Variants in GRM5 observed in about 807,000 individuals in gnomAD.
GRM5 encodes the protein metabotropic glutamate receptor 5.
GRM5 carries 19 observed loss-of-function variants against 83.1 expected under a neutral mutation model. The observed-to-expected ratio is 0.23, with a 90% CI of 0.16 to 0.34. GRM5 has a LOEUF of 0.34. GRM5 is among the 10% of genes least tolerant of loss of function. GRM5 has a pLI of 1.00. For missense variants in GRM5, 1,160 were observed against 1,588.3 expected, an observed-to-expected ratio of 0.73 and a Z score of 4.58; for synonymous variants, 675 against 633.6, an observed-to-expected ratio of 1.07 and a Z score of -0.98.
At chr11:89,061,214 G>A (rs567194045) in intron 1 of GRM5, among the ~76,000 whole-genome samples, 4 of 152,122 alleles carry the variant, frequency 2.6e-5, no homozygotes, top group Non-Finnish European at 4.4e-5. Context: ...CAATAAGAAT[G>A]TGTAAGATAA....
chr11:88,639,394 C>A (rs1246330982), intron 4 of GRM5, among the ~76,000 whole-genome samples: 8 of 152,070 alleles, frequency 5.3e-5, no homozygotes, highest in Non-Finnish European at 1.2e-4. Context: ...TCTTTTATTT[C>A]TTGTCTCTTG....
intron 2 of GRM5, among the ~76,000 whole-genome samples, chr11:88,855,907 C>A (rs11021631): frequency 0.11 from 16,442 of 151,514 alleles, 1,434 homozygotes; most frequent in African/African-American, 0.22. Flanking sequence ...AAAAGTAGTA[C>A]AGAAAAATAG....
intron 4 of GRM5, among the ~76,000 whole-genome samples, chr11:88,650,290 A>G (rs7938127): frequency 0.021 from 3,157 of 152,082 alleles, 89 homozygotes; most frequent in East Asian, 0.12. Context: ...TGTTTTGTCA[A>G]TTTTACAATT....
intron 2 of GRM5, among the ~76,000 whole-genome samples, chr11:88,870,790 G>A (rs897608272): frequency 1.3e-5 from 2 of 151,488 alleles, no homozygotes; most frequent in Admixed American, 6.6e-5. Flanking sequence ...ATGGGTGTAC[G>A]TGTAAAAATG....
chr11:88,903,401 T>A (rs1945349239), intron 2 of GRM5, among the ~76,000 whole-genome samples: 1 of 152,192 alleles, frequency 6.6e-6, no homozygotes, highest in Admixed American at 6.5e-5. Flanking sequence ...ACTGGCTATC[T>A]GCCCAAGGGA....
chr11:88,721,117 A>AAAT (rs376010771), intron 3 of GRM5, among the ~76,000 whole-genome samples: 6 of 152,136 alleles, frequency 3.9e-5, no homozygotes, highest in Middle Eastern at 3.4e-3. Flanking sequence ...CACAACCTTA[A>AAAT]AATAGGATTC....
intron 3 of GRM5, among the ~76,000 whole-genome samples, chr11:88,847,291 T>C (rs185521084): frequency 7.2e-4 from 109 of 152,282 alleles, no homozygotes; most frequent in Middle Eastern, 3.4e-3. Flanking sequence ...ATAAGGGCAA[T>C]AATTATTGTT....
chr11:88,937,455 C>G (rs1184167145), intron 2 of GRM5, among the ~76,000 whole-genome samples: 1 of 151,646 alleles, frequency 6.6e-6, no homozygotes, highest in African/African-American at 2.4e-5. Context: ...AGCCTTCATC[C>G]TTTCTGCTAA....
intron 1 of GRM5, among the ~76,000 whole-genome samples, chr11:89,049,936 A>G (rs924269141): frequency 5.3e-5 from 8 of 152,198 alleles, no homozygotes; most frequent in Admixed American, 3.3e-4. Flanking sequence ...GACAAAAAGA[A>G]ATATCTAAAG....
chr11:88,967,402 T>G (rs1325396614), intron 2 of GRM5, among the ~76,000 whole-genome samples: 4 of 136,614 alleles, frequency 2.9e-5, no homozygotes, highest in Non-Finnish European at 4.7e-5. Flanking sequence ...ACGGATAAAT[T>G]ATAATGAACA....
At chr11:88,628,625 G>C (rs1452907543) in intron 4 of GRM5, among the ~76,000 whole-genome samples, 2 of 152,166 alleles carry the variant, frequency 1.3e-5, no homozygotes, top group African/African-American at 4.8e-5. Flanking sequence ...AACTCTTGTA[G>C]TCACTTTGGT....
In GRM5 at chr11:88,515,391, T is replaced by G. The variant is rs1388557; in HGVS notation, c.2727-5887A>C. Among the ~76,000 whole-genome samples, 14 of 152,316 alleles carry G rather than the reference T, an allele frequency of 9.2e-5. 1 individual carries two copies. The East Asian group carries it at 2.7e-3, about 29-fold the overall frequency. On this transcript the variant is annotated intron_variant, in intron 9 of 9. Coordinates refer to ENST00000305447, the MANE Select transcript of GRM5 (RefSeq NM_001143831.3). ...GTACAAGGAATGAGCTCTGGTGTTC[T>G]GCAGCATTGTAGGGTGAATATAGTT...
At chr11:88,899,711 T>C (rs1354774368) in intron 2 of GRM5, among the ~76,000 whole-genome samples, 2 of 152,040 alleles carry the variant, frequency 1.3e-5, no homozygotes, top group Non-Finnish European at 2.9e-5. Context: ...GAAGTGGGAA[T>C]AAGCCCACAC....
intron 2 of GRM5, among the ~76,000 whole-genome samples, chr11:88,981,032 A>T (rs1442716793): frequency 5.3e-5 from 8 of 151,950 alleles, no homozygotes; most frequent in South Asian, 2.1e-4. Flanking sequence ...TGAGTTTTTT[A>T]AAAAAATCTA....
intron 8 of GRM5, among the ~76,000 whole-genome samples, chr11:88,558,717 C>T (rs534172269): frequency 7.2e-6 from 1 of 139,762 alleles, no homozygotes; most frequent in Admixed American, 7.7e-5. Context: ...AGGAGAATCG[C>T]TTGAAACTGA....
chr11:88,726,745 TAAAG>T (rs1265304860), intron 3 of GRM5, among the ~76,000 whole-genome samples: 2 of 151,312 alleles, frequency 1.3e-5, no homozygotes, highest in East Asian at 3.9e-4. Context: ...TCAACATTCT[TAAAG>T]AAAATAATTG....
chr11:88,735,938 A>G (rs913409757), intron 3 of GRM5, among the ~76,000 whole-genome samples: 3 of 151,494 alleles, frequency 2.0e-5, no homozygotes, highest in African/African-American at 7.3e-5. Flanking sequence ...TGCTGGAGCA[A>G]CCATATGGCC....
intron 3 of GRM5, among the ~76,000 whole-genome samples, chr11:88,763,675 T>TTAA (rs1445523714): frequency 6.6e-6 from 1 of 151,758 alleles, no homozygotes; most frequent in Non-Finnish European, 1.5e-5. Flanking sequence ...GTTAAACAGG[T>TTAA]ATAAATTCAA....
rs369810493 is a variant in GRM5 at position 88,983,182 on chromosome 11, C to T, written c.661+64030G>A. Among the ~76,000 whole-genome samples the T allele has an allele frequency of 1.6e-4, 24 of 152,316 alleles. No homozygotes were observed. In the East Asian group the frequency reaches 4.2e-3, roughly 27 times the overall value. ...TTTTAAGTGTATGCTATAACAATAA[C>T]AGACAAATCTGGACTACTGACATAA... On this transcript the variant is annotated intron_variant, in intron 2 of 9. Transcript: ENST00000305447.
Sources: allele counts gnomAD v4.1 joint callset (sites outside exome capture counted in the v4.1 genomes callset), GRCh38; gene constraint gnomAD v4.1.1; transcripts MANE v1.5; gene names NCBI Gene and HGNC (gene_info 2026-07-23, HGNC 2026-07-21).